The following IL1RAPL2 variants were observed in gnomAD, a reference collection of about 807,000 sequenced individuals.
IL1RAPL2 encodes the protein X-linked interleukin-1 receptor accessory protein-like 2.
A neutral mutation model predicts 44.1 loss-of-function variants in IL1RAPL2; 3 were observed. The observed-to-expected ratio is 0.07, with a 90% CI of 0.03 to 0.18. IL1RAPL2 has a LOEUF of 0.18. Among genes scored for constraint, IL1RAPL2 ranks in the 10% least tolerant of loss-of-function variants. The pLI, the probability that IL1RAPL2 is intolerant of heterozygous loss-of-function variation, is 1.00. For missense variants in IL1RAPL2, 391 were observed against 496.4 expected (o/e 0.79, Z 2.02); for synonymous variants, 181 against 178.8 (o/e 1.01, Z -0.10).
chrX:104,823,896 T>C (rs1921379418), intron 2 of IL1RAPL2, among the ~76,000 whole-genome samples: 1 of 112,071 alleles, frequency 8.9e-6, no homozygotes, highest in Non-Finnish European at 1.9e-5. Flanking sequence ...TCTTGCCTGA[T>C]TGCCCTAGCC....
At chrX:105,370,560 T>C (rs1241426991) in intron 5 of IL1RAPL2, among the ~76,000 whole-genome samples, 1 of 112,296 alleles carries the variant, frequency 8.9e-6, no homozygotes, top group Non-Finnish European at 1.9e-5. Context: ...ATGATATAAT[T>C]CTTTTTTCAT....
chrX:104,619,790 TAAGC>T (rs1929350848), intron 1 of IL1RAPL2, among the ~76,000 whole-genome samples: 1 of 111,884 alleles, frequency 8.9e-6, no homozygotes, highest in African/African-American at 3.3e-5. Flanking sequence ...TATTAAAAAA[TAAGC>T]AAAGATAGAC....
At chrX:105,520,975 C>T (rs1489043184) in intron 6 of IL1RAPL2, among the ~76,000 whole-genome samples, 1 of 81,313 alleles carries the variant, frequency 1.2e-5, no homozygotes, top group African/African-American at 4.5e-5. Flanking sequence ...CTTGCTATGG[C>T]GCCCAGGCTG....
intron 3 of IL1RAPL2, among the ~76,000 whole-genome samples, chrX:105,209,831 C>A (rs1264930328): frequency 4.5e-5 from 5 of 111,412 alleles, no homozygotes; most frequent in African/African-American, 1.6e-4. Context: ...TAATGTTTTA[C>A]TGAAAAAAAA....
chrX:105,524,027 T>G (rs1204574762), intron 6 of IL1RAPL2, among the ~76,000 whole-genome samples: 3 of 111,572 alleles, frequency 2.7e-5, no homozygotes, highest in Non-Finnish European at 3.8e-5. Flanking sequence ...ATTCTAGAGT[T>G]TAAGAACAGA....
At chrX:104,731,142 C>A (rs1390118310) in intron 2 of IL1RAPL2, among the ~76,000 whole-genome samples, 2 of 110,496 alleles carry the variant, frequency 1.8e-5, no homozygotes, top group Admixed American at 1.9e-4. Context: ...GAGTAGGTTG[C>A]GAAAATTTTC....
At chrX:104,878,959 A>G (rs1476387547) in intron 2 of IL1RAPL2, among the ~76,000 whole-genome samples, 1 of 111,016 alleles carries the variant, frequency 9.0e-6, no homozygotes, top group East Asian at 2.8e-4. Flanking sequence ...AAGACATTAA[A>G]GGTACAAAAA....
intron 6 of IL1RAPL2, among the ~76,000 whole-genome samples, chrX:105,637,343 G>A (rs2037531431): frequency 8.9e-6 from 1 of 112,030 alleles, no homozygotes; most frequent in Admixed American, 9.4e-5. Context: ...CTTCAACCAA[G>A]CTCTATTTCT....
chrX:104,615,419 C>T (rs1166908413), intron 1 of IL1RAPL2, among the ~76,000 whole-genome samples: 5 of 105,112 alleles, frequency 4.8e-5, no homozygotes, highest in African/African-American at 1.7e-4. Context: ...TGTTGTTCCC[C>T]TCTCTGTGTC....
At chrX:105,732,597 A>G (rs2038415710) in intron 7 of IL1RAPL2, among the ~76,000 whole-genome samples, 1 of 111,673 alleles carries the variant, frequency 9.0e-6, no homozygotes, top group Non-Finnish European at 1.9e-5. Flanking sequence ...CGGTGAGCCA[A>G]TAAAACTTTT....
chrX:105,014,162 G>T (rs2031122613), intron 2 of IL1RAPL2, among the ~76,000 whole-genome samples: 2 of 111,090 alleles, frequency 1.8e-5, no homozygotes, highest in Admixed American at 1.9e-4. Context: ...TTTCCCCAGG[G>T]AACATAGCTT....
chrX:104,793,648 C>G (rs1341324643), intron 2 of IL1RAPL2, among the ~76,000 whole-genome samples: 1 of 111,679 alleles, frequency 9.0e-6, no homozygotes, highest in Non-Finnish European at 1.9e-5. Context: ...TTTTTCTAAC[C>G]AGAATCTCTT....
rs916851750 is a variant in IL1RAPL2, at chrX:104,797,766, T to C, written c.82+138771T>C. On this transcript the variant is annotated intron_variant, in intron 2 of 10. Coordinates refer to ENST00000372582, the MANE Select transcript of IL1RAPL2 (RefSeq NM_017416.2). ...TGGTTAGCCTTCTCCAAAATTAAAA[T>C]TGCTGTGCTAAGACAAAGATAGAAT... is the stretch of plus-strand genomic sequence containing the variant. Among the ~76,000 whole-genome samples the C allele has an allele frequency of 5.3e-5, 6 of 112,214 alleles. No homozygotes were observed. In the Admixed American group the frequency reaches 5.7e-4, roughly 11 times the overall value.
intron 5 of IL1RAPL2, among the ~76,000 whole-genome samples, chrX:105,451,299 A>T (rs1228161717): frequency 1.8e-5 from 2 of 111,312 alleles, no homozygotes; most frequent in Non-Finnish European, 3.8e-5. Context: ...CTCTCCTTTT[A>T]TTCCCATGGA....
rs376926677 is a variant in IL1RAPL2 at position 104,633,190 on chromosome X, T to A, written c.-19-25705T>A. Among the ~76,000 whole-genome samples, 136 of 111,587 alleles carry A rather than the reference T, an allele frequency of 1.2e-3. 12 individuals carry two copies. The highest frequency in any genetic ancestry group is 9.6e-5 in the Admixed American group (1 of 10,462). ...CCAGCCTTGCATCCCAGGGATGAAG[T>A]CCACTTGATCATGGTGGATAAGCTT... On this transcript the variant is annotated intron_variant, in intron 1 of 10. Coordinates refer to ENST00000372582, the MANE Select transcript of IL1RAPL2 (RefSeq NM_017416.2).
chrX:104,634,587 A>G (rs1396607108), intron 1 of IL1RAPL2, among the ~76,000 whole-genome samples: 1 of 111,282 alleles, frequency 9.0e-6, no homozygotes, highest in African/African-American at 3.3e-5. Context: ...TGATCCCTTT[A>G]CCATTATGGA....
intron 2 of IL1RAPL2, among the ~76,000 whole-genome samples, chrX:105,129,463 T>C (rs988998621): frequency 3.1e-4 from 34 of 110,596 alleles, no homozygotes; most frequent in African/African-American, 8.2e-4. Flanking sequence ...ACATATACAT[T>C]CAAACCATAG....
At chrX:105,185,559 G>A (rs1377510422) in intron 2 of IL1RAPL2, among the ~76,000 whole-genome samples, 1 of 111,460 alleles carries the variant, frequency 9.0e-6, no homozygotes, top group Non-Finnish European at 1.9e-5. Context: ...TTAAGGAGTA[G>A]AAACTGGCTT....
At chrX:104,769,940 G>A (rs368457321) in intron 2 of IL1RAPL2, among the ~76,000 whole-genome samples, 4 of 112,123 alleles carry the variant, frequency 3.6e-5, no homozygotes, top group African/African-American at 1.3e-4. Flanking sequence ...TATTTCTCTA[G>A]TGTTACCACT....
Sources: allele counts gnomAD v4.1 joint callset (sites outside exome capture counted in the v4.1 genomes callset), GRCh38; gene constraint gnomAD v4.1.1; transcripts MANE v1.5; gene names NCBI Gene and HGNC (gene_info 2026-07-23, HGNC 2026-07-21).